DHX57: variants seen among roughly 807,000 people sequenced by gnomAD.
The protein encoded by DHX57 is putative ATP-dependent RNA helicase DHX57.
A neutral mutation model predicts 156.2 loss-of-function variants in DHX57; 105 were observed. The observed-to-expected ratio is 0.67, with a 90% CI of 0.57 to 0.79. The LOEUF is 0.79. DHX57 is among the 30% of genes least tolerant of loss of function. The pLI is 0.00. For synonymous variants in DHX57, 704 were observed against 595.6 expected (o/e 1.18, Z -2.65); for missense variants, 1,847 against 1,661.9 (o/e 1.11, Z -1.94).
chr2:38,872,288 A>G (rs944017945), intron 1 of DHX57, among the ~76,000 whole-genome samples: 1 of 152,264 alleles, frequency 6.6e-6, no homozygotes, highest in East Asian at 1.9e-4. Context: ...GACTAAATGC[A>G]AATGAAAGCA....
At chr2:38,845,509 G>C (rs537069043) in intron 11 of DHX57, among the ~76,000 whole-genome samples, 24 of 152,236 alleles carry the variant, frequency 1.6e-4, no homozygotes, top group Admixed American at 1.0e-3. Flanking sequence ...ATTCTGACTT[G>C]TATTTAAGCT....
In DHX57 at chr2:38,863,491, C is replaced by G; in HGVS notation, c.253G>C (p.Glu85Gln). The G allele has an allele frequency of 6.2e-7, 1 of 1,613,992 alleles. No homozygotes were observed. The highest frequency in any genetic ancestry group is 8.5e-7 in the Non-Finnish European group (1 of 1,180,004). Reference sequence around the variant, plus strand: ...TTGGGTTTCCATTTTGGGCGTGACTCTCCTTTGCTTATGTTACTGTTGCTA... The same window carrying G: ...TTGGGTTTCCATTTTGGGCGTGACTGTCCTTTGCTTATGTTACTGTTGCTA... The part of the protein sequence containing the change: ...RPSNSNISKG[E>Q]SRPKWKPKAK... Residue 85 changes from glutamate (E) to glutamine (Q), a missense_variant, in exon 3 of 24, where the codon GAG (glutamate) becomes CAG (glutamine). Glu to Gln is a conservative substitution (Grantham distance 29). Coordinates refer to ENST00000457308, the MANE Select transcript of DHX57 (RefSeq NM_198963.3).
chr2:38,839,383 C>T (rs1671858334), intron 12 of DHX57, among the ~76,000 whole-genome samples: 2 of 151,934 alleles, frequency 1.3e-5, no homozygotes, highest in Non-Finnish European at 2.9e-5. Context: ...GGAAGGGAAA[C>T]TTCCTATATG....
chr2:38,853,451 T>C (rs1160068937), intron 9 of DHX57: 1 of 152,220 alleles, frequency 6.6e-6, no homozygotes, highest in East Asian at 1.9e-4. Flanking sequence ...TAAATTGTCA[T>C]CTTACAGAGA....
At chr2:38,852,704 T>A (rs988422701) in intron 9 of DHX57, among the ~76,000 whole-genome samples, 1 of 150,962 alleles carries the variant, frequency 6.6e-6, no homozygotes, top group Admixed American at 6.7e-5. Flanking sequence ...AGCCTTGCAC[T>A]CCTGAACTTA....
At chr2:38,869,385 T>C (rs1483374418) in intron 1 of DHX57, among the ~76,000 whole-genome samples, 1 of 152,198 alleles carries the variant, frequency 6.6e-6, no homozygotes, top group East Asian at 1.9e-4. Context: ...AGATGTAGTT[T>C]AGACTGTTGG....
In DHX57 at chr2:38,817,417, C is replaced by T. The variant is rs574840600; in HGVS notation, c.3471+1460G>A. Reference sequence around the variant, plus strand: ...GAAACCTTCATCTCCTGGGTTCAAGCGATTCTCATGCCTCAGCCTCCCGAG... The same window carrying T: ...GAAACCTTCATCTCCTGGGTTCAAGTGATTCTCATGCCTCAGCCTCCCGAG... On this transcript the variant is annotated intron_variant, in intron 19 of 23. Coordinates refer to ENST00000457308, the MANE Select transcript of DHX57 (RefSeq NM_198963.3). Among the ~76,000 whole-genome samples the T allele has an allele frequency of 1.1e-4, 17 of 152,008 alleles. No individual in the cohort carries two copies. In the South Asian group the frequency reaches 1.9e-3, roughly 17 times the overall value.
At chr2:38,851,529 TA>T in intron 9 of DHX57, among the ~76,000 whole-genome samples, 1 of 152,226 alleles carries the variant, frequency 6.6e-6, no homozygotes, top group Non-Finnish European at 1.5e-5. Flanking sequence ...CTGGTATTTG[TA>T]AATATTTGAA....
Position 38,854,166 on chromosome 2 carries a change from T to C in DHX57, c.1918A>G (p.Arg640Gly). The C allele has an allele frequency of 1.2e-5, 20 of 1,613,860 alleles. No individual in the cohort carries two copies. Among genetic ancestry groups the C allele is most frequent in the Non-Finnish European group, 1.7e-5 (20 of 1,179,862 alleles). Reference sequence around the variant, plus strand: ...ACTCCCGTGGTGCAGTATAACAGTCTGGTGGCTGAGGACTTACACATGAAA... The same window carrying C: ...ACTCCCGTGGTGCAGTATAACAGTCCGGTGGCTGAGGACTTACACATGAAA... Reference protein sequence around the residue: ...RLESVKSSATRLLYCTTGVLL... With the variant: ...RLESVKSSATGLLYCTTGVLL... Residue 640 changes from arginine to glycine, a missense_variant, in exon 9 of 24, where the codon AGA (arginine) becomes GGA (glycine). Coordinates refer to ENST00000457308, the MANE Select transcript of DHX57 (RefSeq NM_198963.3).
chr2:38,837,932 A>T lies in DHX57; in HGVS notation c.2441T>A (p.Val814Asp), dbSNP rs750311248. ...ATCCATGATGGACATTGTTTTGATG[A>T]CTGACTTGCTAACCCCTGAAAGAAA... is the stretch of plus-strand genomic sequence containing the variant. ...LARYKGVSKS[V>D]IKTMSIMDFE... The change falls in exon 13 of 24, where the codon GTC (valine) becomes GAC (aspartate). Residue 814 changes from valine to aspartate, a missense_variant. Physicochemically the swap from Val to Asp is radical, Grantham distance 152 (BLOSUM62 -3). Transcript: ENST00000457308. 1.9e-5 allele frequency: 30 copies of T among 1,611,126 alleles called. No homozygotes were observed. The highest frequency in any genetic ancestry group is 2.5e-5 in the Non-Finnish European group (29 of 1,177,322).
At chr2:38,872,181 T>C (rs766247873) in intron 1 of DHX57, among the ~76,000 whole-genome samples, 8 of 152,198 alleles carry the variant, frequency 5.3e-5, no homozygotes, top group Non-Finnish European at 1.2e-4. Context: ...ATTCAAACCA[T>C]AGCAATATTG....
chr2:38,829,002 G>A (rs1671244432), intron 13 of DHX57, among the ~76,000 whole-genome samples: 1 of 151,916 alleles, frequency 6.6e-6, no homozygotes, highest in Non-Finnish European at 1.5e-5. Flanking sequence ...GTGCAGTTGC[G>A]CGATCACGGC....
intron 1 of DHX57, among the ~76,000 whole-genome samples, chr2:38,870,300 A>C (rs1665293702): frequency 6.6e-6 from 1 of 152,230 alleles, no homozygotes; most frequent in Non-Finnish European, 1.5e-5. Context: ...AAAATATTCA[A>C]AGAAATAATG....
intron 22 of DHX57, among the ~76,000 whole-genome samples, chr2:38,805,042 C>T (rs1400300925): frequency 3.9e-5 from 6 of 152,154 alleles, no homozygotes; most frequent in Admixed American, 6.5e-5. Flanking sequence ...TACAACAGTG[C>T]CTGGCACAGA....
chr2:38,811,206 G>C, intron 21 of DHX57: 1 of 491,710 alleles, frequency 2.0e-6, no homozygotes, highest in Non-Finnish European at 3.9e-6. Flanking sequence ...AGATCACTGC[G>C]GCCCTTGGAC....
At position 38,861,164 on chromosome 2, in the gene DHX57, C is replaced by G; in HGVS notation, c.1246G>C (p.Glu416Gln). ...AACTTGACTATTTCCGACTCTTCCT[C>G]TAAAAGGGTTATCAAAGAATATACG... ...PVVYSLITLLEEESEIVKLLT... is the reference protein window; with the variant it reads ...PVVYSLITLLQEESEIVKLLT... The change falls in exon 5 of 24, where the codon GAG (glutamate) becomes CAG (glutamine). Residue 416 changes from glutamate (E) to glutamine (Q), a missense_variant. Coordinates refer to ENST00000457308, the MANE Select transcript of DHX57 (RefSeq NM_198963.3). The G allele has an allele frequency of 6.2e-7, 1 of 1,614,148 alleles. No individual in the cohort carries two copies. The highest frequency in any genetic ancestry group is 8.5e-7 in the Non-Finnish European group (1 of 1,180,024).
chr2:38,817,680 T>C (rs1206024238), intron 19 of DHX57, among the ~76,000 whole-genome samples: 1 of 152,012 alleles, frequency 6.6e-6, no homozygotes, highest in African/African-American at 2.4e-5. Flanking sequence ...GTCTACATTA[T>C]ACAGAAGATA....
intron 22 of DHX57, among the ~76,000 whole-genome samples, chr2:38,805,977 A>C (rs1669915516): frequency 6.6e-6 from 1 of 152,130 alleles, no homozygotes; most frequent in South Asian, 2.1e-4. Flanking sequence ...AAGGAAGATA[A>C]GCTAATAAAG....
In DHX57 at chr2:38,817,792, G is replaced by T. The variant is rs1670617869; in HGVS notation, c.3471+1085C>A. On this transcript the variant is annotated intron_variant, in intron 19 of 23. Transcript: ENST00000457308. ...GGCTCACTGCAGTCTTGACCTCCCA[G>T]GCTCAAGTGATCCTCCCACCTCAGC... 3.3e-5 allele frequency among the ~76,000 whole-genome samples: 5 copies of T among 152,242 alleles called. No individual in the cohort carries two copies. In the South Asian group the frequency reaches 1.0e-3, roughly 32 times the overall value.
Sources: gnomAD v4.1 joint callset for allele counts (sites outside exome capture counted in the v4.1 genomes callset) on GRCh38, gnomAD v4.1.1 for gene constraint, MANE v1.5 for transcripts, NCBI Gene and HGNC (gene_info 2026-07-23, HGNC 2026-07-21) for gene names.